NCOA1: variants seen among roughly 807,000 people sequenced by gnomAD.
The protein encoded by NCOA1 is Hin-2 protein.
In NCOA1, 35 loss-of-function variants were observed where a neutral mutation model predicts 150.9. The observed-to-expected ratio is 0.23, with a 90% confidence interval of 0.18 to 0.31. The LOEUF is 0.31. Ranked by LOEUF, NCOA1 falls within the 10% of genes least tolerant of loss-of-function variation. NCOA1 has a pLI of 1.00. For synonymous variants in NCOA1, 590 were observed against 630.0 expected (o/e 0.94, Z 0.95); for missense variants, 1,491 against 1,749.3 (o/e 0.85, Z 2.63).
chr2:24,616,586 C>T (rs538212012), intron 3 of NCOA1, among the ~76,000 whole-genome samples: 1 of 152,236 alleles, frequency 6.6e-6, no homozygotes, highest in South Asian at 2.1e-4. Flanking sequence ...TTTAAAAATA[C>T]CCCCAAAACA....
chr2:24,610,633 T>C (rs1668580907), intron 3 of NCOA1, among the ~76,000 whole-genome samples: 1 of 151,940 alleles, frequency 6.6e-6, no homozygotes, highest in African/African-American at 2.4e-5. Context: ...TGTTCCATCT[T>C]TTTCTCTTAA....
intron 14 of NCOA1, among the ~76,000 whole-genome samples, chr2:24,717,854 C>G (rs1414445022): frequency 1.3e-5 from 2 of 149,368 alleles, no homozygotes; most frequent in East Asian, 3.9e-4. Flanking sequence ...AGATATTTCA[C>G]AAAGGAAGAT....
At chr2:24,727,801 T>C (rs908694334) in intron 15 of NCOA1, among the ~76,000 whole-genome samples, 1 of 152,262 alleles carries the variant, frequency 6.6e-6, no homozygotes, top group East Asian at 1.9e-4. Context: ...TTGATTTCTT[T>C]TGTAAATGGT....
intron 19 of NCOA1, among the ~76,000 whole-genome samples, chr2:24,746,068 G>C (rs1360673840): frequency 2.0e-5 from 3 of 152,148 alleles, no homozygotes; most frequent in Admixed American, 2.0e-4. Flanking sequence ...TTCCTTACGT[G>C]AGCAGAGTGT....
chr2:24,648,518 G>A (rs1007740710), intron 4 of NCOA1, among the ~76,000 whole-genome samples: 5 of 152,172 alleles, frequency 3.3e-5, no homozygotes, highest in African/African-American at 9.6e-5. Context: ...TGATCCACCC[G>A]CCTTGGCCTC....
Position 24,580,997 on chromosome 2 carries a change from G to A in NCOA1, c.-259-3479G>A, listed in dbSNP as rs946373042. Among the ~76,000 whole-genome samples the A allele has an allele frequency of 2.0e-5, 3 of 152,254 alleles. No individual in the cohort carries two copies. The East Asian group carries it at 5.8e-4, about 29-fold the overall frequency. On this transcript the variant is annotated intron_variant, in intron 2 of 22. Coordinates refer to ENST00000348332, the MANE Select transcript of NCOA1 (RefSeq NM_003743.5). ...ACTTTCCTGTGGGGATACAAGTCCA[G>A]GTTCTCTACTTTGCCTCTCTTGACA...
At chr2:24,630,822 A>T (rs1359573531) in intron 3 of NCOA1, among the ~76,000 whole-genome samples, 1 of 152,176 alleles carries the variant, frequency 6.6e-6, no homozygotes, top group Non-Finnish European at 1.5e-5. Context: ...ATAAAAAAAC[A>T]AGTAAATATT....
Position 24,665,875 on chromosome 2 carries a change from A to C in NCOA1, c.216A>C (p.Lys72Asn), listed in dbSNP as rs750698456. Residue 72 changes from lysine to asparagine, a missense_variant, in exon 6 of 23, where the codon AAA becomes AAC. Coordinates refer to ENST00000348332, the MANE Select transcript of NCOA1 (RefSeq NM_003743.5). ...VKPDKCKILK[K>N]TVDQIQLMKR... ...CAGACAAATGCAAGATTTTGAAGAA[A>C]ACAGTCGATCAGATACAGCTAATGA... 1 of 1,599,074 alleles carries C rather than the reference A, an allele frequency of 6.3e-7. No individual in the cohort carries two copies. The highest frequency in any genetic ancestry group is 8.5e-7 in the Non-Finnish European group (1 of 1,172,330).
chr2:24,527,328 A>G (rs1664693266), intron 1 of NCOA1, among the ~76,000 whole-genome samples: 1 of 151,924 alleles, frequency 6.6e-6, no homozygotes, highest in African/African-American at 2.4e-5. Flanking sequence ...TCCTACACCA[A>G]CCCTTGCCTC....
At chr2:24,698,366 T>A (rs1572608123) in intron 11 of NCOA1, among the ~76,000 whole-genome samples, 1 of 152,240 alleles carries the variant, frequency 6.6e-6, no homozygotes, top group East Asian at 1.9e-4. Flanking sequence ...GTTTACTTCA[T>A]GACTGTTGCA....
chr2:24,731,400 A>G (rs889163797), intron 17 of NCOA1, among the ~76,000 whole-genome samples: 1 of 152,234 alleles, frequency 6.6e-6, no homozygotes, highest in Non-Finnish European at 1.5e-5. Flanking sequence ...TATGGAATAA[A>G]TGAGACAAAA....
intron 7 of NCOA1, among the ~76,000 whole-genome samples, chr2:24,675,799 C>T (rs1313408643): frequency 6.6e-6 from 1 of 152,170 alleles, no homozygotes; most frequent in Non-Finnish European, 1.5e-5. Context: ...GCAGGAGAAT[C>T]ACGTGAACCT....
intron 5 of NCOA1, 32 bp from the exon 6 acceptor site, chr2:24,665,717 T>C (rs1289453361): frequency 6.8e-7 from 1 of 1,460,078 alleles, no homozygotes; most frequent in Non-Finnish European, 9.1e-7. Context: ...GTGATACAAA[T>C]GTACACTAAC....
At chr2:24,548,545 A>G (rs918264298) in intron 1 of NCOA1, among the ~76,000 whole-genome samples, 5 of 152,172 alleles carry the variant, frequency 3.3e-5, no homozygotes, top group Non-Finnish European at 4.4e-5. Flanking sequence ...CATTAACTCA[A>G]AAGTCCACAG....
intron 3 of NCOA1, among the ~76,000 whole-genome samples, chr2:24,593,869 G>T (rs535133041): frequency 6.6e-6 from 1 of 152,230 alleles, no homozygotes; most frequent in South Asian, 2.1e-4. Flanking sequence ...AACTAAAACA[G>T]CTGAAGAGAA....
chr2:24,753,237 A>G (rs1160918884), intron 20 of NCOA1, among the ~76,000 whole-genome samples: 3 of 151,958 alleles, frequency 2.0e-5, no homozygotes, highest in Admixed American at 1.3e-4. Context: ...TATAATCACT[A>G]CCTTACAGGT....
At chr2:24,543,877 A>G (rs1665498031) in intron 1 of NCOA1, among the ~76,000 whole-genome samples, 1 of 152,178 alleles carries the variant, frequency 6.6e-6, no homozygotes, top group Non-Finnish European at 1.5e-5. Context: ...GAAAAGTGAT[A>G]TGATCTGGTT....
At chr2:24,761,712 C>G (rs764173754) in intron 21 of NCOA1, among the ~76,000 whole-genome samples, 1 of 152,138 alleles carries the variant, frequency 6.6e-6, no homozygotes, top group Non-Finnish European at 1.5e-5. Context: ...TATATTCCTA[C>G]AAATATTCTT....
intron 12 of NCOA1, among the ~76,000 whole-genome samples, chr2:24,706,102 C>G (rs1228319276): frequency 6.6e-6 from 1 of 151,946 alleles, no homozygotes; most frequent in East Asian, 1.9e-4. Flanking sequence ...ACCCAGTCTT[C>G]CTCTTTGGAG....
Sources: gnomAD v4.1 joint callset for allele counts (sites outside exome capture counted in the v4.1 genomes callset) on GRCh38, gnomAD v4.1.1 for gene constraint, MANE v1.5 for transcripts, NCBI Gene and HGNC (gene_info 2026-07-23, HGNC 2026-07-21) for gene names.